CFAP221: variants seen among roughly 807,000 people sequenced by gnomAD.
CFAP221 encodes cilia- and flagella-associated protein 221.
A neutral mutation model predicts 113.1 loss-of-function variants in CFAP221; 97 were observed. The ratio of observed to expected loss-of-function variants is 0.86; its 90% CI spans 0.73 to 1.02. The LOEUF (loss-of-function observed/expected upper bound fraction) is 1.02. Ranked by LOEUF, CFAP221 falls within the 50% of genes least tolerant of loss-of-function variation. CFAP221 has a pLI of 0.00. For synonymous variants in CFAP221, 331 were observed against 354.4 expected (o/e 0.93, Z 0.74); for missense variants, 1,025 against 1,013.4 (o/e 1.01, Z -0.16).
At chr2:119,646,466 TAAAC>T (rs1687813682) in intron 21 of CFAP221, among the ~76,000 whole-genome samples, 1 of 151,940 alleles carries the variant, frequency 6.6e-6, no homozygotes, top group South Asian at 2.1e-4. Context: ...CACACACTTT[TAAAC>T]AACCAGATCT....
rs1437445703 is a variant in CFAP221 at position 119,560,033 on chromosome 2, C to T, written c.426+7C>T. The T allele has an allele frequency of 3.4e-6, 4 of 1,170,854 alleles. No individual in the cohort carries two copies. Among genetic ancestry groups the T allele is most frequent in the Non-Finnish European group, 4.7e-6 (4 of 842,556 alleles). The allele number at this position is 1,170,854 out of a possible 1,614,324, so 72.5% of individuals were successfully genotyped here. On this transcript the variant is annotated splice_region_variant and intron_variant, in intron 5 of 23. Coordinates refer to ENST00000413369, the MANE Select transcript of CFAP221 (RefSeq NM_001271049.2). ...CATCCGTGTTCACTGTAAGGTAGGT[C>T]TCTTAAAATTGCTTTTTTTTTTTTT...
chr2:119,630,797 A>T lies in CFAP221; in HGVS notation c.1870A>T (p.Lys624Ter), dbSNP rs1286960899. 1 of 1,613,088 alleles carries T rather than the reference A, an allele frequency of 6.2e-7. No individual in the cohort carries two copies. Among genetic ancestry groups the T allele is most frequent in the African/African-American group, 1.3e-5 (1 of 75,052 alleles). ...DEVTTITALPKQDSTTQLSGK... is the reference protein window; with the variant it reads ...DEVTTITALP ...AGTCACCACCATCACAGCCCTTCCG[A>T]AACAGGACTCCACAACTCAGCTCTC... Residue 624 changes from lysine (K) to a stop codon, truncating the protein, a stop_gained, in exon 19 of 24, where the codon AAA becomes TAA. Coordinates refer to ENST00000413369, the MANE Select transcript of CFAP221 (RefSeq NM_001271049.2). LOFTEE classifies it high-confidence loss of function.
At chr2:119,606,009 A>T (rs1684730435) in intron 11 of CFAP221, among the ~76,000 whole-genome samples, 1 of 152,058 alleles carries the variant, frequency 6.6e-6, no homozygotes, top group African/African-American at 2.4e-5. Context: ...AATGTTGCAT[A>T]TCCAGTGTTA....
chr2:119,599,740 TCTTGA>T (rs1245431235), intron 7 of CFAP221, among the ~76,000 whole-genome samples: 1 of 152,182 alleles, frequency 6.6e-6, no homozygotes, highest in African/African-American at 2.4e-5. Context: ...GGTATTCATG[TCTTGA>T]CTTTGTATTT....
Position 119,559,740 on chromosome 2 carries a change from C to A in CFAP221, c.292C>A (p.Gln98Lys). The A allele has an allele frequency of 6.5e-7, 1 of 1,531,836 alleles. No individual in the cohort carries two copies. Among genetic ancestry groups the A allele is most frequent in the Non-Finnish European group, 8.7e-7 (1 of 1,143,108 alleles). The allele number at this position is 1,531,836 out of a possible 1,614,324, so 94.9% of individuals were successfully genotyped here. Residue 98 changes from glutamine (Q) to lysine (K), a missense_variant, in exon 4 of 24, where the codon CAA becomes AAA. Gln to Lys is a moderately conservative substitution (Grantham distance 53). Coordinates refer to ENST00000413369, the MANE Select transcript of CFAP221 (RefSeq NM_001271049.2). Reference protein sequence around the residue: ...EDTRVHILPPQTKYFEINYVR... With the variant: ...EDTRVHILPPKTKYFEINYVR... ...CACACGTGTTCATATTTTACCCCCG[C>A]AAACCAAATACTTTGAGATCAATTA...
intron 6 of CFAP221, among the ~76,000 whole-genome samples, chr2:119,568,888 C>T (rs1219106423): frequency 6.6e-6 from 1 of 152,150 alleles, no homozygotes; most frequent in Non-Finnish European, 1.5e-5. Flanking sequence ...AAGGCAGGTC[C>T]ACTGGCAACA....
downstream of CFAP221, among the ~76,000 whole-genome samples, chr2:119,658,036 C>G (rs1400512152): frequency 6.6e-6 from 1 of 152,166 alleles, no homozygotes; most frequent in Non-Finnish European, 1.5e-5. Context: ...ATTATGCAAA[C>G]ATCCTGTTTC....
In CFAP221 at chr2:119,585,894, A is replaced by G. The variant is rs1293615091; in HGVS notation, c.528-1225A>G. 2.6e-5 allele frequency among the ~76,000 whole-genome samples: 4 copies of G among 152,304 alleles called. No homozygotes were observed. The East Asian group carries it at 7.7e-4, about 29-fold the overall frequency. On this transcript the variant is annotated intron_variant, in intron 6 of 23. Coordinates refer to ENST00000413369, the MANE Select transcript of CFAP221 (RefSeq NM_001271049.2). ...CACTGGGCAGGTAGGGAAGCCTGTCATTATTGGAGAAGTCCACAGACAGAT... is the reference window on the plus strand; with the variant it reads ...CACTGGGCAGGTAGGGAAGCCTGTCGTTATTGGAGAAGTCCACAGACAGAT...
At chr2:119,634,908 T>TTGG (rs1687019695) in intron 19 of CFAP221, among the ~76,000 whole-genome samples, 1 of 152,182 alleles carries the variant, frequency 6.6e-6, no homozygotes, top group African/African-American at 2.4e-5. Context: ...AACATCGCAC[T>TTGG]TATAGCCAAT....
chr2:119,629,624 A>T (rs1686624906), intron 16 of CFAP221, among the ~76,000 whole-genome samples: 1 of 152,168 alleles, frequency 6.6e-6, no homozygotes, highest in Non-Finnish European at 1.5e-5. Flanking sequence ...AGCCTGAGGA[A>T]GTTTCTGAGT....
chr2:119,548,989 G>A (rs1017720473), intron 2 of CFAP221, 96 bp from the exon 3 acceptor site: 9 of 760,658 alleles, frequency 1.2e-5, no homozygotes, highest in Non-Finnish European at 2.0e-6. Flanking sequence ...TGCTTAAAAT[G>A]CCCTAAATTA....
intron 7 of CFAP221, among the ~76,000 whole-genome samples, chr2:119,599,562 C>G (rs1002644488): frequency 6.6e-6 from 1 of 152,126 alleles, no homozygotes; most frequent in African/African-American, 2.4e-5. Context: ...GGAGAGAGTT[C>G]TTCAGGCCTA....
chr2:119,583,395 C>CTTTTTTTTT, intron 6 of CFAP221, among the ~76,000 whole-genome samples: 1 of 123,320 alleles, frequency 8.1e-6, no homozygotes, highest in Non-Finnish European at 1.6e-5. Context: ...GAAATAGTCT[C>CTTTTTTTTT]TTTTTTTTTT....
chr2:119,557,732 G>C (rs1680912525), intron 3 of CFAP221, among the ~76,000 whole-genome samples: 1 of 152,124 alleles, frequency 6.6e-6, no homozygotes, highest in Non-Finnish European at 1.5e-5. Flanking sequence ...CAGGCACGGT[G>C]GCTTACGCCT....
chr2:119,592,919 C>T (rs1045310517), intron 7 of CFAP221, among the ~76,000 whole-genome samples: 1 of 152,212 alleles, frequency 6.6e-6, no homozygotes, highest in Non-Finnish European at 1.5e-5. Context: ...TGAGGTTAAG[C>T]AGTTCACCAG....
chr2:119,627,153 C>T (rs1350565349), intron 15 of CFAP221, among the ~76,000 whole-genome samples: 1 of 152,006 alleles, frequency 6.6e-6, no homozygotes, highest in Non-Finnish European at 1.5e-5. Flanking sequence ...CCTGGCTCAG[C>T]CTTCCCCATC....
At chr2:119,585,079 A>G (rs1323655856) in intron 6 of CFAP221, among the ~76,000 whole-genome samples, 2 of 152,202 alleles carry the variant, frequency 1.3e-5, no homozygotes. Context: ...TGGTATAATT[A>G]TATAACAGAA....
Position 119,639,792 on chromosome 2 carries a change from C to T in CFAP221, c.2145C>T (p.Pro715=), listed in dbSNP as rs201824397. The change falls in exon 21 of 24, where the codon CCC becomes CCT. Residue 715 remains proline, a synonymous_variant. Coordinates refer to ENST00000413369, the MANE Select transcript of CFAP221 (RefSeq NM_001271049.2). ...GACTTTCCTTACAGGACATTATTCC[C>T]GGAATAATGCACTGGAAAAGCTTCC... ...KQFLHHTDII[P]GIMHWKSFQS... 12 of 1,613,450 alleles carry T rather than the reference C, an allele frequency of 7.4e-6. No individual in the cohort carries two copies. In the Admixed American group the frequency reaches 1.2e-4, roughly 16 times the overall value.
At chr2:119,554,801 A>G (rs1408624088) in intron 3 of CFAP221, among the ~76,000 whole-genome samples, 3 of 152,242 alleles carry the variant, frequency 2.0e-5, no homozygotes, top group African/African-American at 4.8e-5. Flanking sequence ...ACCAAGATGC[A>G]TTTTAAAATA....
Sources: gnomAD v4.1 joint callset for allele counts (sites outside exome capture counted in the v4.1 genomes callset) on GRCh38, gnomAD v4.1.1 for gene constraint, MANE v1.5 for transcripts, NCBI Gene and HGNC (gene_info 2026-07-23, HGNC 2026-07-21) for gene names.